The following SCUBE1 variants were observed in gnomAD, a reference collection of about 807,000 sequenced individuals.
SCUBE1 encodes the protein signal peptide, CUB domain and EGF like domain containing 1, also known as signal peptide, CUB and EGF-like domain-containing protein 1.
SCUBE1 carries 59 observed loss-of-function variants against 124.4 expected under a neutral mutation model. That is an observed-to-expected ratio of 0.47 (90% confidence interval 0.38 to 0.59). The LOEUF (loss-of-function observed/expected upper bound fraction) is 0.59. Ranked by LOEUF, SCUBE1 falls within the 20% of genes least tolerant of loss-of-function variation. The pLI is 0.00. For synonymous variants in SCUBE1, 545 were observed against 550.9 expected (o/e 0.99, Z 0.15); for missense variants, 1,150 against 1,371.2 (o/e 0.84, Z 2.55).
chr22:43,303,695 C>T (rs17003635), intron 3 of SCUBE1, among the ~76,000 whole-genome samples: 1 of 152,210 alleles, frequency 6.6e-6, no homozygotes, highest in Non-Finnish European at 1.5e-5. Flanking sequence ...CTCTCAAAAA[C>T]CTAGCATGGC....
intron 4 of SCUBE1, among the ~76,000 whole-genome samples, chr22:43,266,504 CAGA>C (rs1233048542): frequency 2.0e-5 from 3 of 152,194 alleles, no homozygotes; most frequent in Non-Finnish European, 4.4e-5. Flanking sequence ...GGCGGAACCA[CAGA>C]AGGTCAGGGT....
At chr22:43,296,154 C>T (rs12158357) in intron 3 of SCUBE1, among the ~76,000 whole-genome samples, 2,725 of 152,316 alleles carry the variant, frequency 0.018, 94 homozygotes, top group African/African-American at 0.064. Flanking sequence ...TGGCCTGCAC[C>T]CTACCCTGGC....
At chr22:43,240,113 T>C (rs904685127) in intron 6 of SCUBE1, among the ~76,000 whole-genome samples, 3 of 152,046 alleles carry the variant, frequency 2.0e-5, no homozygotes, top group Non-Finnish European at 2.9e-5. Flanking sequence ...CCTCTGTGTG[T>C]GTGTGCGTGT....
Position 43,258,182 on chromosome 22 carries a change from G to T in SCUBE1, c.727+37C>A. The T allele has an allele frequency of 1.4e-6, 2 of 1,404,104 alleles. No homozygotes were observed. The highest frequency in any genetic ancestry group is 1.4e-5 in the African/African-American group (1 of 70,920). The allele number at this position is 1,404,104 out of a possible 1,614,324, so 87.0% of individuals were successfully genotyped here. A position where few individuals can be genotyped will look rare whatever the true frequency, so the allele number is the denominator to read the frequency against. On this transcript the variant is annotated intron_variant, in intron 6 of 21. Transcript: ENST00000360835. This position sits in a 1 kb window ranked among gnomAD's most constrained non-coding sequence, Gnocchi z 5.0. The stretch of plus-strand genomic sequence containing the variant: ...CACGCATGGGGGGTCGGGGGCGGGG[G>T]GCGCAAGGGTGGTGTGTGGCAGAGG...
chr22:43,278,172 C>T (rs188330828), intron 4 of SCUBE1, among the ~76,000 whole-genome samples: 96 of 152,384 alleles, frequency 6.3e-4, no homozygotes, highest in Non-Finnish European at 1.1e-3. Flanking sequence ...CCGGACCGCA[C>T]AGGGCCAGGA....
intron 4 of SCUBE1, among the ~76,000 whole-genome samples, chr22:43,288,631 C>T (rs1480756116): frequency 6.6e-6 from 1 of 152,268 alleles, no homozygotes; most frequent in Non-Finnish European, 1.5e-5. Flanking sequence ...GCTTTCTCAT[C>T]AGCTCCAGCA....
intron 3 of SCUBE1, among the ~76,000 whole-genome samples, chr22:43,310,201 C>T (rs377276700): frequency 1.3e-5 from 2 of 152,076 alleles, no homozygotes; most frequent in East Asian, 3.9e-4. Context: ...CCCCAAACTC[C>T]TAACAGTTCC....
intron 10 of SCUBE1, among the ~76,000 whole-genome samples, chr22:43,227,163 A>G (rs1211895155): frequency 1.3e-5 from 2 of 152,112 alleles, no homozygotes; most frequent in African/African-American, 4.8e-5. Flanking sequence ...TCTGGCTGAC[A>G]CTGGCATGCT....
At chr22:43,295,138 T>C (rs1925508962) in intron 3 of SCUBE1, among the ~76,000 whole-genome samples, 1 of 152,190 alleles carries the variant, frequency 6.6e-6, no homozygotes, top group African/African-American at 2.4e-5. Flanking sequence ...TCAAGTCCGA[T>C]GGCGGTAGTG....
At chr22:43,330,735 A>C (rs949835085) in intron 2 of SCUBE1, among the ~76,000 whole-genome samples, 6 of 152,236 alleles carry the variant, frequency 3.9e-5, no homozygotes, top group African/African-American at 1.4e-4. Context: ...CATTGGCTCC[A>C]AGAACTCTGT....
At position 43,258,235 on chromosome 22, in the gene SCUBE1, G is replaced by A. The variant is rs376771972; in HGVS notation, c.711C>T (p.Asp237=). The A allele has an allele frequency of 2.4e-5, 39 of 1,613,298 alleles. No homozygotes were observed. The African/African-American group carries it at 2.9e-4, about 12-fold the overall frequency. Residue 237 remains aspartate, a synonymous_variant, in exon 6 of 22, where the codon GAC becomes GAT. Transcript: ENST00000360835. This position sits in a 1 kb window ranked among gnomAD's most constrained non-coding sequence, Gnocchi z 5.0. ...GCHQKYALHS[D]GRTCIETCAV... is the part of the protein sequence containing the mutation. ...CCTACTTACCGATGCACGTGCGACC[G>A]TCTGAGTGGAGGGCGTACTTCTGGT...
chr22:43,288,151 G>A (rs758088310), intron 4 of SCUBE1, among the ~76,000 whole-genome samples: 2 of 152,168 alleles, frequency 1.3e-5, no homozygotes, highest in South Asian at 2.1e-4. Context: ...TTCTTTAACC[G>A]ACACGCTGGT....
intron 6 of SCUBE1, among the ~76,000 whole-genome samples, chr22:43,241,075 C>A (rs1569504847): frequency 2.0e-5 from 3 of 152,098 alleles, no homozygotes; most frequent in Non-Finnish European, 4.4e-5. Context: ...ACAGACCCGG[C>A]CAAACAGACT....
chr22:43,315,012 A>T (rs971028541), intron 3 of SCUBE1, among the ~76,000 whole-genome samples: 4 of 90,894 alleles, frequency 4.4e-5, no homozygotes, highest in African/African-American at 2.2e-4. Flanking sequence ...TGATGCTAGA[A>T]ATATTGATTT....
At chr22:43,273,020 G>T (rs191039669) in intron 4 of SCUBE1, among the ~76,000 whole-genome samples, 1 of 152,356 alleles carries the variant, frequency 6.6e-6, no homozygotes, top group East Asian at 1.9e-4. Context: ...AAGGACTGCT[G>T]CCCTTGACCT....
intron 7 of SCUBE1, among the ~76,000 whole-genome samples, chr22:43,233,899 G>A (rs73420065): frequency 0.026 from 3,920 of 151,848 alleles, 124 homozygotes; most frequent in African/African-American, 0.079. Flanking sequence ...TGGGAGCCTC[G>A]GGGAGGGACA....
rs1055618651 is a variant in SCUBE1 at position 43,255,103 on chromosome 22, T to C, written c.727+3116A>G. On this transcript the variant is annotated intron_variant, in intron 6 of 21. Transcript: ENST00000360835. The surrounding 1 kb of genome is among the most constrained non-coding windows in gnomAD (Gnocchi z 4.7). Reference sequence around the variant, plus strand: ...GCTGCTTTGCTGAGCCTGGGAATCCTAACTGTGAATGTGGGTGTTCACGCA... The same window carrying C: ...GCTGCTTTGCTGAGCCTGGGAATCCCAACTGTGAATGTGGGTGTTCACGCA... Among the ~76,000 whole-genome samples the C allele has an allele frequency of 1.3e-5, 2 of 152,234 alleles. No homozygotes were observed. Among genetic ancestry groups the C allele is most frequent in the African/African-American group, 4.8e-5 (2 of 41,454 alleles).
At chr22:43,252,503 A>G (rs1330441522) in intron 6 of SCUBE1, among the ~76,000 whole-genome samples, 3 of 152,194 alleles carry the variant, frequency 2.0e-5, no homozygotes, top group African/African-American at 7.2e-5. Flanking sequence ...CACGTGGTCC[A>G]GGTTCTGACC....
At position 43,222,747 on chromosome 22, in the gene SCUBE1, A is replaced by G. The variant is rs1922148979; in HGVS notation, c.1328-5T>C. 2 of 1,591,894 alleles carry G rather than the reference A, an allele frequency of 1.3e-6. No individual in the cohort carries two copies. Among genetic ancestry groups the G allele is most frequent in the Admixed American group, 1.7e-5 (1 of 57,644 alleles). On this transcript the variant is annotated splice_region_variant and splice_polypyrimidine_tract_variant and intron_variant, in intron 11 of 21. Transcript: ENST00000360835. The stretch of plus-strand genomic sequence containing the variant: ...GGACGTAGCTATTTTCCGAGTCTGC[A>G]GAGAAGCCGGTGGGTGAGGTGGGCC...
Sources: gnomAD v4.1 joint callset for allele counts (sites outside exome capture counted in the v4.1 genomes callset) on GRCh38, gnomAD v4.1.1 for gene constraint, Gnocchi (gnomAD v3.1) non-coding constraint, MANE v1.5 for transcripts, NCBI Gene and HGNC (gene_info 2026-07-23, HGNC 2026-07-21) for gene names.